KDM2B: variants seen among roughly 807,000 people sequenced by gnomAD.
The protein encoded by KDM2B is lysine demethylase 2B, also known as lysine-specific demethylase 2B.
In KDM2B, 26 loss-of-function variants were observed where a neutral mutation model predicts 150.0. The ratio of observed to expected loss-of-function variants is 0.17; its 90% CI spans 0.13 to 0.24. The LOEUF (loss-of-function observed/expected upper bound fraction) is 0.24, where lower values mean the gene tolerates loss of function less well. KDM2B is among the 10% of genes least tolerant of loss of function. KDM2B has a pLI of 1.00. For missense variants in KDM2B, 1,265 were observed against 1,816.9 expected (o/e 0.70, Z 5.52); for synonymous variants, 734 against 729.5 (o/e 1.01, Z -0.10).
intron 8 of KDM2B, among the ~76,000 whole-genome samples, chr12:121,524,153 C>T (rs1286855145): frequency 3.3e-5 from 5 of 152,208 alleles, no homozygotes; most frequent in African/African-American, 1.2e-4. Flanking sequence ...CTACCTCCCT[C>T]CCTGCAGAAA....
At chr12:121,502,107 G>A (rs186008056) in intron 11 of KDM2B, among the ~76,000 whole-genome samples, 2 of 152,094 alleles carry the variant, frequency 1.3e-5, no homozygotes, top group Admixed American at 6.6e-5. Flanking sequence ...TCACAGGCTC[G>A]CACATTTGAC....
At chr12:121,474,679 A>G (rs1881156175) in intron 12 of KDM2B, among the ~76,000 whole-genome samples, 1 of 152,200 alleles carries the variant, frequency 6.6e-6, no homozygotes, top group Admixed American at 6.5e-5. Context: ...ATAGCTGGGC[A>G]TGGTGGCTCA....
chr12:121,453,255 C>T lies in KDM2B; in HGVS notation c.1824G>A (p.Arg608=). ...CGCACTTGCGGCATCGCGTCCGGCG[C>T]CGCCGAGCTCCTGCCGTTGTCCGGT... is the stretch of plus-strand genomic sequence containing the variant. ...AANRTTAGAR[R]RRTRCRKCEA... Residue 608 remains arginine, a synonymous_variant, in exon 13 of 23, where the codon CGG becomes CGA. Transcript: ENST00000377071. This position sits in a 1 kb window ranked among gnomAD's most constrained non-coding sequence, Gnocchi z 6.4. 6.2e-7 allele frequency: 1 copy of T among 1,607,462 alleles called. No individual in the cohort carries two copies. Among genetic ancestry groups the T allele is most frequent in the Non-Finnish European group, 8.5e-7 (1 of 1,177,812 alleles).
chr12:121,579,550 C>T (rs1271213036), intron 1 of KDM2B: 6 of 1,276,542 alleles, frequency 4.7e-6, no homozygotes, highest in African/African-American at 1.5e-5. Context: ...AGAATCGGGG[C>T]TTGGAAGGGG....
rs781934708 is a variant in KDM2B at position 121,442,664 on chromosome 12, C to T, written c.2777G>A (p.Gly926Asp). 4.4e-6 allele frequency: 7 copies of T among 1,605,504 alleles called. No individual in the cohort carries two copies. The East Asian group carries it at 1.6e-4, about 36-fold the overall frequency. The change falls in exon 19 of 23, where the codon GGC (glycine) becomes GAC (aspartate). Residue 926 changes from glycine to aspartate, a missense_variant. Gly to Asp is a moderately conservative substitution (Grantham distance 94). Transcript: ENST00000377071. This position sits in a 1 kb window ranked among gnomAD's most constrained non-coding sequence, Gnocchi z 7.7. ...TAGPSTEGAE[G>D]PEEKKKVKMR... ...CTTCACCTTCTTCTTCTCCTCCGGG[C>T]CCTCGGCCCCTTCGGTGCTGGGTCC...
intron 12 of KDM2B, among the ~76,000 whole-genome samples, chr12:121,488,838 C>T (rs572370662): frequency 2.7e-5 from 4 of 149,488 alleles, no homozygotes; most frequent in African/African-American, 9.9e-5. Context: ...GAGTTTCGCT[C>T]TTGTTGCCCA....
At chr12:121,539,062 C>A (rs537081515) in intron 6 of KDM2B, among the ~76,000 whole-genome samples, 19 of 152,084 alleles carry the variant, frequency 1.2e-4, no homozygotes, top group Admixed American at 3.3e-4. Flanking sequence ...ATTCCAGCCT[C>A]TCCATTCTTT....
At chr12:121,500,131 G>A (rs948309076) in intron 11 of KDM2B, among the ~76,000 whole-genome samples, 1 of 151,926 alleles carries the variant, frequency 6.6e-6, no homozygotes, top group Non-Finnish European at 1.5e-5. Context: ...GACAGGCTCC[G>A]GGAAAAGAAG....
intron 2 of KDM2B, among the ~76,000 whole-genome samples, chr12:121,578,004 G>A (rs1366719328): frequency 6.6e-6 from 1 of 152,154 alleles, no homozygotes; most frequent in Non-Finnish European, 1.5e-5. Flanking sequence ...CCCAGATTCC[G>A]CTCTCAATTG....
At chr12:121,519,986 G>C (rs1425839324) in intron 9 of KDM2B, among the ~76,000 whole-genome samples, 4 of 151,966 alleles carry the variant, frequency 2.6e-5, no homozygotes, top group African/African-American at 9.7e-5. Flanking sequence ...TCCGCCTCCC[G>C]GGCTCAAACG....
rs1165861954 is a variant in KDM2B, at chr12:121,520,616, C to G, written c.1047+369G>C. Reference sequence around the variant, plus strand: ...GGACAGGCCCTTCCAAGGTCCACACCCATCCTCCAAACAACAGCGACCAAA... The same window carrying G: ...GGACAGGCCCTTCCAAGGTCCACACGCATCCTCCAAACAACAGCGACCAAA... On this transcript the variant is annotated intron_variant, in intron 9 of 22. Transcript: ENST00000377071. This position sits in a 1 kb window ranked among gnomAD's most constrained non-coding sequence, Gnocchi z 4.5. 6.6e-6 allele frequency among the ~76,000 whole-genome samples: 1 copy of G among 152,104 alleles called. No individual in the cohort carries two copies. Among genetic ancestry groups the G allele is most frequent in the East Asian group, 1.9e-4 (1 of 5,182 alleles).
intron 12 of KDM2B, among the ~76,000 whole-genome samples, chr12:121,487,793 CTTTTT>C (rs1248100789): frequency 7.4e-6 from 1 of 135,760 alleles, no homozygotes. Context: ...GAAGCAGCTT[CTTTTT>C]TTTTTTTTTT....
At chr12:121,502,554 G>A (rs1381473629) in intron 11 of KDM2B, among the ~76,000 whole-genome samples, 1 of 151,950 alleles carries the variant, frequency 6.6e-6, no homozygotes, top group Non-Finnish European at 1.5e-5. Flanking sequence ...CGAGGAGGCG[G>A]AGGTTGCAAT....
chr12:121,506,894 C>T lies in KDM2B; in HGVS notation c.1647+2673G>A, dbSNP rs367924554. Among the ~76,000 whole-genome samples, 17 of 151,970 alleles carry T rather than the reference C, an allele frequency of 1.1e-4. No individual in the cohort carries two copies. The East Asian group carries it at 2.3e-3, about 21-fold the overall frequency. The stretch of plus-strand genomic sequence containing the variant: ...GAGGTTGTAGTGAGCCGAGATTGTG[C>T]CATTGCACTCCAGCCTGGGCATCAA... On this transcript the variant is annotated intron_variant, in intron 11 of 22. Coordinates refer to ENST00000377071, the MANE Select transcript of KDM2B (RefSeq NM_032590.5).
chr12:121,531,496 C>T (rs1199537178), intron 8 of KDM2B, among the ~76,000 whole-genome samples: 2 of 152,160 alleles, frequency 1.3e-5, no homozygotes, highest in East Asian at 1.9e-4. Flanking sequence ...AAGCTTCCAC[C>T]CAGTTGTAGA....
chr12:121,580,081 T>C (rs1555317671), intron 1 of KDM2B: 1 of 1,604,142 alleles, frequency 6.2e-7, no homozygotes, highest in Non-Finnish European at 8.5e-7. Flanking sequence ...CAATTAATTG[T>C]CAACACTCCT....
chr12:121,441,748 C>A (rs1208583891), intron 19 of KDM2B, among the ~76,000 whole-genome samples: 1 of 152,210 alleles, frequency 6.6e-6, no homozygotes, highest in African/African-American at 2.4e-5. Context: ...TTACCATGGG[C>A]TTTACAACGC....
At chr12:121,563,613 A>G (rs1890495739) in intron 4 of KDM2B, among the ~76,000 whole-genome samples, 2 of 149,680 alleles carry the variant, frequency 1.3e-5, no homozygotes, top group South Asian at 4.2e-4. Flanking sequence ...CCAAAAAAAA[A>G]AGTCAAAACA....
intron 8 of KDM2B, among the ~76,000 whole-genome samples, chr12:121,528,478 A>C (rs1162236843): frequency 6.6e-6 from 1 of 151,742 alleles, no homozygotes; most frequent in Non-Finnish European, 1.5e-5. Context: ...AGAATTGCTT[A>C]AACTTGGGAG....
Sources: gnomAD v4.1 joint callset for allele counts (sites outside exome capture counted in the v4.1 genomes callset) on GRCh38, gnomAD v4.1.1 for gene constraint, Gnocchi (gnomAD v3.1) non-coding constraint, MANE v1.5 for transcripts, NCBI Gene and HGNC (gene_info 2026-07-23, HGNC 2026-07-21) for gene names.